Variants in CMSS1 observed in about 807,000 individuals in gnomAD.
The protein encoded by CMSS1 is cms1 ribosomal small subunit homolog, also known as protein CMSS1.
CMSS1 carries 33 observed loss-of-function variants against 43.5 expected under a neutral mutation model. The ratio of observed to expected loss-of-function variants is 0.76; its 90% CI spans 0.57 to 1.01. The LOEUF (loss-of-function observed/expected upper bound fraction) is 1.01, where lower values mean the gene tolerates loss of function less well. Ranked by LOEUF, CMSS1 falls within the 50% of genes least tolerant of loss-of-function variation. The pLI is 0.00. For synonymous variants in CMSS1, 115 were observed against 117.2 expected (o/e 0.98, Z 0.12); for missense variants, 313 against 326.4 (o/e 0.96, Z 0.32).
intron 1 of CMSS1, among the ~76,000 whole-genome samples, chr3:99,833,540 A>G (rs1942774199): frequency 6.6e-6 from 1 of 152,246 alleles, no homozygotes; most frequent in Admixed American, 6.5e-5. Context: ...TACCAGAACA[A>G]AATCAGCATT....
intron 1 of CMSS1, among the ~76,000 whole-genome samples, chr3:99,992,451 GC>G (rs1709552171): frequency 6.6e-6 from 1 of 151,882 alleles, no homozygotes; most frequent in South Asian, 2.1e-4. Context: ...ATGTTTGTTG[GC>G]TGCTTGTATG....
rs149875985 is a variant in CMSS1, at chr3:99,857,058, C to T, written c.64+39015C>T. ...TCATTTCTGTGTCCTACAGTGTCTA[C>T]CACAAAGCACTTATATGTAGAGGGA... On this transcript the variant is annotated intron_variant, in intron 1 of 9. Coordinates refer to ENST00000421999, the MANE Select transcript of CMSS1 (RefSeq NM_032359.4). 1.7e-3 allele frequency among the ~76,000 whole-genome samples: 258 copies of T among 152,246 alleles called. 2 individuals carry two copies. The highest frequency in any genetic ancestry group is 3.5e-3 in the Admixed American group (53 of 15,292).
intron 8 of CMSS1, 177 bp from the exon 9 acceptor site, chr3:100,176,150 C>G (rs2067146380): frequency 1.9e-6 from 1 of 534,692 alleles, no homozygotes; most frequent in Non-Finnish European, 3.3e-6. Context: ...AAGAGCAAGT[C>G]TCAGAGTGCT....
chr3:99,834,791 A>G (rs1299348315), intron 1 of CMSS1, among the ~76,000 whole-genome samples: 6 of 152,204 alleles, frequency 3.9e-5, no homozygotes, highest in African/African-American at 1.4e-4. Context: ...CCGTGGAGCC[A>G]GTCTTGGGTC....
intron 7 of CMSS1, 165 bp downstream of exon 7, chr3:100,172,064 AC>A: frequency 1.5e-6 from 1 of 648,206 alleles, no homozygotes; most frequent in South Asian, 2.0e-5. Flanking sequence ...CTGCATACCT[AC>A]CTCCCCAGTA....
intron 1 of CMSS1, among the ~76,000 whole-genome samples, chr3:100,013,335 C>G (rs1212316054): frequency 6.6e-6 from 1 of 151,984 alleles, no homozygotes. Flanking sequence ...CCTCCACTTC[C>G]CAGGTTCAAG....
At chr3:100,146,886 A>G in intron 1 of CMSS1, 87 bp from the exon 2 acceptor site, 1 of 1,501,724 alleles carries the variant, frequency 6.7e-7, no homozygotes, top group Non-Finnish European at 9.0e-7. Flanking sequence ...AAGTGAAGAG[A>G]TAGAACCTTC....
At chr3:99,919,465 T>C (rs952792013) in intron 1 of CMSS1, among the ~76,000 whole-genome samples, 1 of 150,488 alleles carries the variant, frequency 6.6e-6, no homozygotes, top group African/African-American at 2.5e-5. Context: ...TAATCAATTA[T>C]TGTTTTTGTT....
intron 1 of CMSS1, among the ~76,000 whole-genome samples, chr3:100,144,701 A>T (rs1383968847): frequency 6.6e-6 from 1 of 152,138 alleles, no homozygotes; most frequent in Non-Finnish European, 1.5e-5. Context: ...GAAAGGTTTT[A>T]GTCTTGCTAG....
intron 1 of CMSS1, among the ~76,000 whole-genome samples, chr3:99,863,211 C>T (rs1944346896): frequency 1.3e-5 from 2 of 152,302 alleles, no homozygotes; most frequent in Admixed American, 6.5e-5. Flanking sequence ...AACCTAGATC[C>T]CTCACCTGCA....
chr3:99,856,859 T>C (rs1396331708), intron 1 of CMSS1, among the ~76,000 whole-genome samples: 1 of 152,244 alleles, frequency 6.6e-6, no homozygotes, highest in Non-Finnish European at 1.5e-5. Flanking sequence ...TAATGCATCA[T>C]ATAATACACA....
chr3:100,012,132 T>G (rs1710174079), intron 1 of CMSS1, among the ~76,000 whole-genome samples: 1 of 152,164 alleles, frequency 6.6e-6, no homozygotes, highest in African/African-American at 2.4e-5. Flanking sequence ...AAATGCAAAA[T>G]GAAATATTTG....
chr3:100,103,291 C>T (rs62285478), intron 1 of CMSS1, among the ~76,000 whole-genome samples: 27,687 of 152,166 alleles, frequency 0.18, 2,905 homozygotes, highest in South Asian at 0.25. Flanking sequence ...AAGAGTCAGC[C>T]AGAAACACAC....
chr3:100,137,551 C>T (rs140534955), intron 1 of CMSS1, among the ~76,000 whole-genome samples: 102 of 151,626 alleles, frequency 6.7e-4, no homozygotes, highest in African/African-American at 2.3e-3. Context: ...GATTAAAATT[C>T]ATAAGCATGT....
chr3:99,867,964 C>A (rs1020956453), intron 1 of CMSS1, among the ~76,000 whole-genome samples: 1 of 152,062 alleles, frequency 6.6e-6, no homozygotes, highest in Non-Finnish European at 1.5e-5. Flanking sequence ...AACACCTAGG[C>A]AAAAAGTATT....
chr3:99,836,945 G>A (rs993963875), intron 1 of CMSS1, among the ~76,000 whole-genome samples: 7 of 152,190 alleles, frequency 4.6e-5, no homozygotes, highest in Non-Finnish European at 7.3e-5. Context: ...TCCCTAAAGC[G>A]TATTTCCTTC....
At chr3:100,034,104 A>G (rs1267330430) in intron 1 of CMSS1, among the ~76,000 whole-genome samples, 1 of 152,226 alleles carries the variant, frequency 6.6e-6, no homozygotes. Context: ...AGTAATTTGC[A>G]TCATCATCCA....
intron 1 of CMSS1, among the ~76,000 whole-genome samples, chr3:100,013,487 A>T (rs1710227688): frequency 6.6e-6 from 1 of 151,892 alleles, no homozygotes; most frequent in African/African-American, 2.4e-5. Flanking sequence ...CAGGTGGTCC[A>T]TCCACCTCGG....
intron 1 of CMSS1, among the ~76,000 whole-genome samples, chr3:99,818,302 A>G (rs979454349): frequency 1.3e-4 from 20 of 152,346 alleles, no homozygotes; most frequent in African/African-American, 4.6e-4. Flanking sequence ...TTTCTTGAGA[A>G]TGGATAAGAC....
Sources: gnomAD v4.1 joint callset for allele counts (sites outside exome capture counted in the v4.1 genomes callset) on GRCh38, gnomAD v4.1.1 for gene constraint, MANE v1.5 for transcripts, NCBI Gene and HGNC (gene_info 2026-07-23, HGNC 2026-07-21) for gene names.